CDYL2: variants seen among roughly 807,000 people sequenced by gnomAD.
The protein encoded by CDYL2 is chromodomain Y like 2, also known as chromodomain Y-like protein 2.
CDYL2 carries 23 observed loss-of-function variants against 49.4 expected under a neutral mutation model. That is an observed-to-expected ratio of 0.47 (90% CI 0.34 to 0.66). The LOEUF (loss-of-function observed/expected upper bound fraction) is 0.66, where lower values mean the gene tolerates loss of function less well. CDYL2 is among the 30% of genes least tolerant of loss of function. CDYL2 has a pLI of 0.01. For missense variants in CDYL2, 678 were observed against 656.4 expected (o/e 1.03, Z -0.36); for synonymous variants, 360 against 268.8 (o/e 1.34, Z -3.32).
chr16:80,650,048 A>G (rs141726683), intron 2 of CDYL2, among the ~76,000 whole-genome samples: 147 of 152,328 alleles, frequency 9.7e-4, no homozygotes, highest in African/African-American at 3.4e-3. Flanking sequence ...TCTCCAGGAC[A>G]TTGGTCTACG....
intron 6 of CDYL2, 136 bp from the exon 7 acceptor site, chr16:80,604,682 C>A: frequency 1.2e-6 from 1 of 830,196 alleles, no homozygotes. Flanking sequence ...CCTGGGCCTT[C>A]CCAGTCCCAT....
chr16:80,794,007 C>A (rs1907689889), intron 1 of CDYL2, among the ~76,000 whole-genome samples: 1 of 152,112 alleles, frequency 6.6e-6, no homozygotes, highest in Admixed American at 6.5e-5. Flanking sequence ...TGTGGTTTGA[C>A]CATCTTGTCT....
chr16:80,766,701 T>C (rs990909452), intron 1 of CDYL2, among the ~76,000 whole-genome samples: 12 of 152,154 alleles, frequency 7.9e-5, no homozygotes, highest in Admixed American at 2.0e-4. Flanking sequence ...TCCAGATAGA[T>C]AGATCATATA....
rs543849947 is a variant in CDYL2, at chr16:80,619,230, C to T, written c.1007+1533G>A. Among the ~76,000 whole-genome samples the T allele has an allele frequency of 2.0e-5, 3 of 152,316 alleles. No individual in the cohort carries two copies. In the South Asian group the frequency reaches 6.2e-4, roughly 32 times the overall value. On this transcript the variant is annotated intron_variant, in intron 4 of 6. Transcript: ENST00000570137. ...CACACTCCAATCCAGGATGATCTCA[C>T]CTCAGGACTCTGAACTTAATCACAT... is the stretch of plus-strand genomic sequence containing the variant.
chr16:80,618,053 G>C (rs925729053), intron 4 of CDYL2, among the ~76,000 whole-genome samples: 1 of 152,160 alleles, frequency 6.6e-6, no homozygotes, highest in African/African-American at 2.4e-5. Flanking sequence ...TGGTCCAGGG[G>C]ACATCTCCTT....
chr16:80,608,626 C>T (rs1234080765), intron 5 of CDYL2, among the ~76,000 whole-genome samples: 1 of 152,160 alleles, frequency 6.6e-6, no homozygotes, highest in Admixed American at 6.5e-5. Context: ...GAAAGAGATG[C>T]TCCCTTCTAG....
chr16:80,615,409 G>C (rs1333952514), intron 4 of CDYL2, among the ~76,000 whole-genome samples: 2 of 152,148 alleles, frequency 1.3e-5, no homozygotes, highest in Non-Finnish European at 2.9e-5. Context: ...AGATCTCAGA[G>C]GTGGGAAGGA....
At chr16:80,676,517 C>A (rs538104172) in intron 2 of CDYL2, among the ~76,000 whole-genome samples, 1 of 152,272 alleles carries the variant, frequency 6.6e-6, no homozygotes, top group Admixed American at 6.5e-5. Context: ...TTCCCTGGGC[C>A]TCTTCTGGGA....
intron 1 of CDYL2, among the ~76,000 whole-genome samples, chr16:80,743,407 C>T (rs1439483969): frequency 6.6e-6 from 1 of 152,184 alleles, no homozygotes; most frequent in African/African-American, 2.4e-5. Flanking sequence ...CAGTCTAAAT[C>T]TCAAGGAACC....
Position 80,718,360 on chromosome 16 carries a change from T to C in CDYL2, c.25-33231A>G, listed in dbSNP as rs374552368. Among the ~76,000 whole-genome samples the C allele has an allele frequency of 2.5e-3, 387 of 152,320 alleles. 1 individual carries two copies. The highest frequency in any genetic ancestry group is 8.9e-3 in the African/African-American group (372 of 41,574). ...TAATAGTTAAAACTGAACTATTACC[T>C]TATGTGCACAATCCCATTTAATCCT... is the stretch of plus-strand genomic sequence containing the variant. On this transcript the variant is annotated intron_variant, in intron 1 of 6. Transcript: ENST00000570137.
intron 2 of CDYL2, 68 bp from the exon 3 acceptor site, chr16:80,633,304 G>C (rs1907660173): frequency 1.3e-6 from 2 of 1,491,650 alleles, no homozygotes; most frequent in East Asian, 2.3e-5. Flanking sequence ...TGTGATCAGA[G>C]GACGTTGGGA....
rs982873013 is a variant in CDYL2 at position 80,604,317 on chromosome 16, G to C, written c.*71C>G. The stretch of plus-strand genomic sequence containing the variant: ...CACCTTGACAAACTCCTTGGCCGGG[G>C]CAGACACTGTGCTCTGGTTTCCGAA... On this transcript the variant is annotated 3_prime_UTR_variant, in exon 7 of 7. Coordinates refer to ENST00000570137, the MANE Select transcript of CDYL2 (RefSeq NM_152342.4). 6.5e-7 allele frequency: 1 copy of C among 1,548,362 alleles called. No homozygotes were observed. The highest frequency in any genetic ancestry group is 1.4e-5 in the African/African-American group (1 of 73,298).
At chr16:80,715,190 A>T (rs1443286233) in intron 1 of CDYL2, among the ~76,000 whole-genome samples, 1 of 152,130 alleles carries the variant, frequency 6.6e-6, no homozygotes, top group Non-Finnish European at 1.5e-5. Context: ...CAGGTCAGCA[A>T]AGAGGAAGAA....
chr16:80,701,043 A>C (rs963572296), intron 1 of CDYL2, among the ~76,000 whole-genome samples: 3 of 152,186 alleles, frequency 2.0e-5, no homozygotes, highest in Non-Finnish European at 4.4e-5. Context: ...GTGAGAAATA[A>C]ACCCCTGCAG....
At chr16:80,787,044 T>C (rs1232579667) in intron 1 of CDYL2, among the ~76,000 whole-genome samples, 1 of 151,828 alleles carries the variant, frequency 6.6e-6, no homozygotes. Context: ...ATTCTGCACA[T>C]GTAACCCAGA....
chr16:80,672,315 T>C (rs1450341602), intron 2 of CDYL2, among the ~76,000 whole-genome samples: 4 of 88,378 alleles, frequency 4.5e-5, no homozygotes, highest in Non-Finnish European at 9.9e-5. Context: ...TCATACAAAA[T>C]GTTACACACA....
intron 1 of CDYL2, among the ~76,000 whole-genome samples, chr16:80,702,215 C>CAT (rs1904305309): frequency 1.3e-5 from 2 of 151,218 alleles, no homozygotes; most frequent in Admixed American, 6.6e-5. Context: ...CACACACACA[C>CAT]ACAAAACTAT....
chr16:80,703,897 C>T (rs941609299), intron 1 of CDYL2, among the ~76,000 whole-genome samples: 4 of 152,200 alleles, frequency 2.6e-5, no homozygotes, highest in Non-Finnish European at 5.9e-5. Flanking sequence ...AGCAGAGCAG[C>T]CACCTCCCTT....
chr16:80,645,990 TGGGGGGAGGGGGGA>T (rs1289465147), intron 2 of CDYL2, among the ~76,000 whole-genome samples: 1 of 26,760 alleles, frequency 3.7e-5, no homozygotes. Context: ...TGTCATGGGG[TGGGGGGAGGGGGGA>T]GGGGGGAGGG....
Sources: gnomAD v4.1 joint callset for allele counts (sites outside exome capture counted in the v4.1 genomes callset) on GRCh38, gnomAD v4.1.1 for gene constraint, MANE v1.5 for transcripts, NCBI Gene and HGNC (gene_info 2026-07-23, HGNC 2026-07-21) for gene names.